Variants in PHF21B observed in about 807,000 individuals in gnomAD.
The protein encoded by PHF21B is PHD finger protein 21B.
PHF21B carries 22 observed loss-of-function variants against 62.2 expected under a neutral mutation model. The ratio of observed to expected loss-of-function variants is 0.35; its 90% confidence interval spans 0.25 to 0.51. The LOEUF is 0.51. Among genes scored for constraint, PHF21B ranks in the 20% least tolerant of loss-of-function variants. The probability of loss-of-function intolerance (pLI) is 0.97; values close to 1 mark genes in which losing one functional copy is unlikely to be tolerated. For missense variants in PHF21B, 701 were observed against 707.9 expected (o/e 0.99, Z 0.11); for synonymous variants, 341 against 314.7 (o/e 1.08, Z -0.88).
intron 2 of PHF21B, among the ~76,000 whole-genome samples, chr22:44,973,883 T>C (rs1230726251): frequency 6.6e-6 from 1 of 152,192 alleles, no homozygotes; most frequent in African/African-American, 2.4e-5. Context: ...TGGTGCCAAG[T>C]CAATTCTTAA....
Position 45,009,027 on chromosome 22 carries a change from C to T in PHF21B, c.55-417G>A. On this transcript the variant is annotated intron_variant, in intron 1 of 12. Coordinates refer to ENST00000313237, the MANE Select transcript of PHF21B (RefSeq NM_138415.5). This position sits in a 1 kb window ranked among gnomAD's most constrained non-coding sequence, Gnocchi z 5.9. ...CGCGTCCTAATCTCCCCAACACACA[C>T]ACGCGCACGCCGAGCCCCGCTCAGG... 1 of 1,131,818 alleles carries T rather than the reference C, an allele frequency of 8.8e-7. No individual in the cohort carries two copies. Among genetic ancestry groups the T allele is most frequent in the Non-Finnish European group, 1.1e-6 (1 of 924,324 alleles). 70.1% of individuals were successfully genotyped at this position (1,131,818 alleles called of 1,614,324 possible).
chr22:44,922,213 T>C (rs1219764174), intron 2 of PHF21B, among the ~76,000 whole-genome samples: 1 of 152,272 alleles, frequency 6.6e-6, no homozygotes, highest in African/African-American at 2.4e-5. Flanking sequence ...TGAAAGTCAG[T>C]CTGTGTAATT....
At chr22:44,893,684 G>A (rs760942037) in intron 6 of PHF21B, 151 bp from the exon 7 acceptor site, 6 of 715,524 alleles carry the variant, frequency 8.4e-6, no homozygotes, top group Non-Finnish European at 1.4e-5. Context: ...CCCAGGGTGG[G>A]TTAGGGCCTC....
At chr22:44,942,012 T>G (rs136698) in intron 2 of PHF21B, among the ~76,000 whole-genome samples, 137,409 of 152,232 alleles carry the variant, frequency 0.9, 62,476 homozygotes, top group East Asian at 0.96. Flanking sequence ...GAAAGAAAAG[T>G]CCACGACATG....
intron 2 of PHF21B, among the ~76,000 whole-genome samples, chr22:44,983,475 C>A (rs956838249): frequency 6.6e-6 from 1 of 152,128 alleles, no homozygotes. Context: ...CTGAGGAAAC[C>A]GGAACAAAGA....
chr22:44,936,888 C>CTTTTTTTTA (rs2071860930), intron 2 of PHF21B, among the ~76,000 whole-genome samples: 1 of 30,516 alleles, frequency 3.3e-5, no homozygotes. Flanking sequence ...TTTTTTTTTC[C>CTTTTTTTTA]TGAGATGGAG....
intron 2 of PHF21B, among the ~76,000 whole-genome samples, chr22:45,006,411 A>C (rs561072446): frequency 6.6e-6 from 1 of 152,306 alleles, no homozygotes; most frequent in South Asian, 2.1e-4. Context: ...GTCAGTTCGC[A>C]AGCAAGCCTC....
Position 45,009,668 on chromosome 22 carries a change from G to A in PHF21B, c.-119C>T, listed in dbSNP as rs144138316. The A allele has an allele frequency of 0.044, 40,054 of 915,816 alleles. 1,547 individuals are homozygous for A. The highest frequency in any genetic ancestry group is 0.15 in the South Asian group (7,770 of 50,248). The allele number at this position is 915,816 out of a possible 1,614,324, so 56.7% of individuals were successfully genotyped here. On this transcript the variant is annotated 5_prime_UTR_variant, in exon 1 of 13. Coordinates refer to ENST00000313237, the MANE Select transcript of PHF21B (RefSeq NM_138415.5). The surrounding 1 kb of genome is among the most constrained non-coding windows in gnomAD (Gnocchi z 5.9). ...GCGGCCTCCGGGCTGGGTTGGGGGG[G>A]ACACGAGCCCCCTCCCCCACGGCCG...
At chr22:44,957,273 TACA>T (rs1216214201) in intron 2 of PHF21B, among the ~76,000 whole-genome samples, 2 of 152,264 alleles carry the variant, frequency 1.3e-5, no homozygotes, top group South Asian at 2.1e-4. Flanking sequence ...CGGTGCACTT[TACA>T]ACAATTAGCT....
Position 44,993,127 on chromosome 22 carries a change from C to T in PHF21B, c.120+15418G>A, listed in dbSNP as rs576984402. Among the ~76,000 whole-genome samples the T allele has an allele frequency of 9.8e-5, 15 of 152,290 alleles. 1 individual carries two copies. The South Asian group carries it at 2.5e-3, about 25-fold the overall frequency. On this transcript the variant is annotated intron_variant, in intron 2 of 12. Transcript: ENST00000313237. ...GAACCTGAAATGCCACATCCATGTG[C>T]GGCATCTCAGGGTGGGGCCAGCATC...
chr22:44,988,780 G>A (rs1477375803), intron 2 of PHF21B, among the ~76,000 whole-genome samples: 7 of 152,184 alleles, frequency 4.6e-5, no homozygotes, highest in Non-Finnish European at 7.3e-5. Flanking sequence ...TCATTTTGGG[G>A]CTGCTACACC....
intron 2 of PHF21B, chr22:44,933,576 T>A (rs2071784297): frequency 1.0e-6 from 1 of 979,890 alleles, no homozygotes; most frequent in Non-Finnish European, 1.2e-6. Flanking sequence ...TCAACGGAAG[T>A]GCACGGGAAG....
chr22:44,908,189 C>T (rs1018541107), intron 5 of PHF21B, among the ~76,000 whole-genome samples: 2 of 152,122 alleles, frequency 1.3e-5, no homozygotes, highest in Non-Finnish European at 2.9e-5. Context: ...TCTCCAGTGG[C>T]GAGGCTTCAC....
chr22:44,922,845 G>A (rs4823262), intron 2 of PHF21B, among the ~76,000 whole-genome samples: 129,238 of 152,200 alleles, frequency 0.85, 55,165 homozygotes, highest in East Asian at 0.95. Flanking sequence ...GAGATATACC[G>A]TAACCATGAA....
intron 2 of PHF21B, among the ~76,000 whole-genome samples, chr22:44,986,584 C>A (rs738622): frequency 0.07 from 10,490 of 150,902 alleles, 419 homozygotes; most frequent in Middle Eastern, 0.14. Flanking sequence ...CAGTGACCCC[C>A]ACATGTTTAG....
chr22:44,991,362 C>A (rs1202491616), intron 2 of PHF21B, among the ~76,000 whole-genome samples: 1 of 152,136 alleles, frequency 6.6e-6, no homozygotes, highest in Non-Finnish European at 1.5e-5. Context: ...ATTTCCGGTG[C>A]CTGGAAAACC....
rs1275887264 is a variant in PHF21B, at chr22:44,881,943, C to G, written c.*1143G>C. 5.2e-5 allele frequency: 8 copies of G among 152,628 alleles called. 1 individual carries two copies. The highest frequency in any genetic ancestry group is 5.2e-4 in the Admixed American group (8 of 15,284). 9.5% of individuals were successfully genotyped at this position (152,628 alleles called of 1,614,324 possible). A position where few individuals can be genotyped will look rare whatever the true frequency, so the allele number is the denominator to read the frequency against. Reference sequence around the variant, plus strand: ...CTTTCCTCCCCAACCCTCCACCCGGCTCGTAAAAAACCTGCCGGATCTTCC... The same window carrying G: ...CTTTCCTCCCCAACCCTCCACCCGGGTCGTAAAAAACCTGCCGGATCTTCC... On this transcript the variant is annotated 3_prime_UTR_variant, in exon 13 of 13. Transcript: ENST00000313237.
intron 2 of PHF21B, chr22:44,933,454 G>A: frequency 1.0e-6 from 1 of 985,448 alleles, no homozygotes; most frequent in Non-Finnish European, 1.2e-6. Context: ...AACTCAGCAA[G>A]TGTTCACTGC....
intron 2 of PHF21B, among the ~76,000 whole-genome samples, chr22:44,952,621 T>C (rs1299804180): frequency 6.6e-6 from 1 of 152,236 alleles, no homozygotes; most frequent in East Asian, 1.9e-4. Flanking sequence ...TCATGGAGAA[T>C]ATGATAAATT....
Sources: gnomAD v4.1 joint callset for allele counts (sites outside exome capture counted in the v4.1 genomes callset) on GRCh38, gnomAD v4.1.1 for gene constraint, Gnocchi (gnomAD v3.1) non-coding constraint, MANE v1.5 for transcripts, NCBI Gene and HGNC (gene_info 2026-07-23, HGNC 2026-07-21) for gene names.